The following MTMR3 variants were observed in gnomAD, a reference collection of about 807,000 sequenced individuals.
MTMR3 encodes phosphatidylinositol-3,5-bisphosphate 3-phosphatase MTMR3.
In MTMR3, 32 loss-of-function variants were observed where a neutral mutation model predicts 132.4. The ratio of observed to expected loss-of-function variants is 0.24; its 90% confidence interval spans 0.18 to 0.32. The LOEUF (loss-of-function observed/expected upper bound fraction) is 0.32. Ranked by LOEUF, MTMR3 falls within the 10% of genes least tolerant of loss-of-function variation. MTMR3 has a pLI of 1.00. For missense variants in MTMR3, 1,216 were observed against 1,489.6 expected (o/e 0.82, Z 3.02); for synonymous variants, 556 against 550.3 (o/e 1.01, Z -0.14).
intron 1 of MTMR3, among the ~76,000 whole-genome samples, chr22:29,939,837 C>G (rs2065821214): frequency 6.6e-6 from 1 of 152,164 alleles, no homozygotes; most frequent in South Asian, 2.1e-4. Context: ...TGCCCGTATA[C>G]ATCCAGATGG....
intron 1 of MTMR3, among the ~76,000 whole-genome samples, chr22:29,955,552 C>A (rs551377524): frequency 6.6e-6 from 1 of 152,028 alleles, no homozygotes; most frequent in Admixed American, 6.6e-5. Flanking sequence ...AAATACAGTT[C>A]GTCTCTGAAG....
chr22:29,929,976 A>C (rs1027942258), intron 1 of MTMR3, among the ~76,000 whole-genome samples: 1 of 152,158 alleles, frequency 6.6e-6, no homozygotes, highest in Admixed American at 6.5e-5. Context: ...GAGCCCTAGT[A>C]ACTGTGGACA....
chr22:30,002,782 A>C (rs746983419), intron 8 of MTMR3, 98 bp from the exon 9 acceptor site: 1 of 891,414 alleles, frequency 1.1e-6, no homozygotes, highest in African/African-American at 1.6e-5. Flanking sequence ...TGAGATCATC[A>C]TCCTTATGCT....
chr22:29,951,889 G>GTT (rs11331318), intron 1 of MTMR3, among the ~76,000 whole-genome samples: 36,601 of 131,186 alleles, frequency 0.28, 6,084 homozygotes, highest in East Asian at 0.57. Flanking sequence ...ACAAGTAAAG[G>GTT]TTTTTTTTTT....
chr22:29,891,768 A>G (rs2064804039), intron 1 of MTMR3, among the ~76,000 whole-genome samples: 1 of 152,010 alleles, frequency 6.6e-6, no homozygotes, highest in African/African-American at 2.4e-5. Context: ...TTAGACTCTT[A>G]AGGTTTAATA....
intron 1 of MTMR3, among the ~76,000 whole-genome samples, chr22:29,948,363 G>A (rs2065989998): frequency 6.6e-6 from 1 of 152,148 alleles, no homozygotes; most frequent in South Asian, 2.1e-4. Flanking sequence ...TTTACAGATG[G>A]GGAGACAATA....
chr22:29,974,278 A>G (rs973446968), intron 3 of MTMR3, among the ~76,000 whole-genome samples: 1 of 152,178 alleles, frequency 6.6e-6, no homozygotes, highest in African/African-American at 2.4e-5. Context: ...TTCCTCACCT[A>G]TGAAACTCAC....
At chr22:29,998,712 C>T in intron 7 of MTMR3, 49 bp from the exon 8 acceptor site, 2 of 1,404,132 alleles carry the variant, frequency 1.4e-6, no homozygotes, top group Non-Finnish European at 2.0e-6. Context: ...ACCTGTTTTG[C>T]AAAATGGTAT....
intron 1 of MTMR3, among the ~76,000 whole-genome samples, chr22:29,923,013 C>G (rs931222465): frequency 2.0e-5 from 3 of 150,646 alleles, no homozygotes; most frequent in African/African-American, 7.3e-5. Context: ...TGGCTGAGAC[C>G]ACAGGTGCAC....
chr22:30,008,209 G>A (rs995708561), intron 11 of MTMR3, 177 bp downstream of exon 11: 2 of 748,564 alleles, frequency 2.7e-6, no homozygotes, highest in Non-Finnish European at 4.0e-6. Flanking sequence ...TTTCTGAGGA[G>A]AAATGGAGGA....
chr22:29,976,105 T>G (rs1292936935), intron 3 of MTMR3, among the ~76,000 whole-genome samples: 1 of 148,422 alleles, frequency 6.7e-6, no homozygotes, highest in Non-Finnish European at 1.5e-5. Flanking sequence ...AAGTTGACAT[T>G]TTATTATAGT....
chr22:30,006,837 A>G, intron 9 of MTMR3: 1 of 378,986 alleles, frequency 2.6e-6, no homozygotes, highest in South Asian at 2.5e-5. Context: ...CTGGGATTGC[A>G]GAGTGAGCCT....
At chr22:30,001,862 C>G (rs1440341214) in intron 8 of MTMR3, 1 of 152,060 alleles carries the variant, frequency 6.6e-6, no homozygotes, top group African/African-American at 2.4e-5. Flanking sequence ...CCTGAAAATT[C>G]CAGAAGTCTC....
chr22:30,009,213 GAAAA>G, intron 12 of MTMR3, 84 bp downstream of exon 12: 2 of 965,582 alleles, frequency 2.1e-6, no homozygotes, highest in South Asian at 1.4e-5. Flanking sequence ...GGGAAAAAAA[GAAAA>G]AAAAATTAAT....
intron 1 of MTMR3, among the ~76,000 whole-genome samples, chr22:29,896,968 G>T: frequency 1.3e-5 from 2 of 149,372 alleles, no homozygotes; most frequent in African/African-American, 2.5e-5. Flanking sequence ...CACAACCTTG[G>T]CTTATTTTTT....
intron 1 of MTMR3, among the ~76,000 whole-genome samples, chr22:29,927,963 C>T (rs1299757090): frequency 1.9e-5 from 1 of 53,526 alleles, no homozygotes. Context: ...TTTTTTGAGA[C>T]GACGTCTTGC....
chr22:29,928,506 C>T (rs2065571921), intron 1 of MTMR3, among the ~76,000 whole-genome samples: 1 of 151,862 alleles, frequency 6.6e-6, no homozygotes, highest in East Asian at 1.9e-4. Flanking sequence ...CCCCCAGTGC[C>T]CTTATGTATG....
At chr22:29,953,667 G>A (rs576650107) in intron 1 of MTMR3, among the ~76,000 whole-genome samples, 10 of 152,212 alleles carry the variant, frequency 6.6e-5, no homozygotes, top group Non-Finnish European at 1.5e-5. Context: ...ACAAAATCCT[G>A]TCCATATGGG....
chr22:29,935,560 C>T (rs2065731914), intron 1 of MTMR3, among the ~76,000 whole-genome samples: 1 of 152,084 alleles, frequency 6.6e-6, no homozygotes, highest in Non-Finnish European at 1.5e-5. Flanking sequence ...TAAAACGAGA[C>T]GTCATATTTC....
Sources: gnomAD v4.1 joint callset for allele counts (sites outside exome capture counted in the v4.1 genomes callset) on GRCh38, gnomAD v4.1.1 for gene constraint, MANE v1.5 for transcripts, NCBI Gene and HGNC (gene_info 2026-07-23, HGNC 2026-07-21) for gene names.